TMEM132D: variants seen among roughly 807,000 people sequenced by gnomAD.
TMEM132D encodes transmembrane protein 132D.
Under a neutral mutation model 62.3 loss-of-function variants are expected in TMEM132D, and 21 were observed. The observed-to-expected ratio is 0.34, with a 90% CI of 0.24 to 0.49. The LOEUF (loss-of-function observed/expected upper bound fraction) is 0.49, where lower values mean the gene tolerates loss of function less well. Ranked by LOEUF, TMEM132D falls within the 20% of genes least tolerant of loss-of-function variation. The probability of loss-of-function intolerance (pLI) is 0.99; values close to 1 mark genes in which losing one functional copy is unlikely to be tolerated. For synonymous variants in TMEM132D, 621 were observed against 575.6 expected (o/e 1.08, Z -1.13); for missense variants, 1,346 against 1,402.8 (o/e 0.96, Z 0.65).
At chr12:129,235,686 C>T (rs1442369237) in intron 4 of TMEM132D, among the ~76,000 whole-genome samples, 1 of 152,074 alleles carries the variant, frequency 6.6e-6, no homozygotes, top group Non-Finnish European at 1.5e-5. Flanking sequence ...TCTGTGCAGC[C>T]ATATGTCTTC....
intron 3 of TMEM132D, among the ~76,000 whole-genome samples, chr12:129,504,272 G>A (rs1875262398): frequency 6.6e-6 from 1 of 152,142 alleles, no homozygotes; most frequent in African/African-American, 2.4e-5. Flanking sequence ...ATCGATTTAG[G>A]GAGGATTCCT....
intron 3 of TMEM132D, among the ~76,000 whole-genome samples, chr12:129,425,406 C>CTTT (rs5801854): frequency 0.037 from 5,181 of 138,938 alleles, 267 homozygotes; most frequent in African/African-American, 0.12. Context: ...GATGCTTGCA[C>CTTT]TTTTTTTTTT....
chr12:129,312,864 T>C (rs979306053), intron 4 of TMEM132D, among the ~76,000 whole-genome samples: 3 of 152,240 alleles, frequency 2.0e-5, no homozygotes, highest in Non-Finnish European at 2.9e-5. Flanking sequence ...GCATCAGATG[T>C]TGGCTTAGAC....
chr12:129,335,619 A>T (rs1025108108), intron 4 of TMEM132D, among the ~76,000 whole-genome samples: 3 of 152,172 alleles, frequency 2.0e-5, no homozygotes, highest in Admixed American at 2.0e-4. Flanking sequence ...ATGACCAATG[A>T]AAAATGGAAA....
chr12:129,878,865 G>A (rs1054529182), intron 1 of TMEM132D, among the ~76,000 whole-genome samples: 14 of 152,208 alleles, frequency 9.2e-5, no homozygotes, highest in African/African-American at 2.9e-4. Context: ...CGCTGCACCC[G>A]GCCTACAGAT....
chr12:129,259,628 T>C (rs897162833), intron 4 of TMEM132D, among the ~76,000 whole-genome samples: 1 of 152,088 alleles, frequency 6.6e-6, no homozygotes, highest in African/African-American at 2.4e-5. Context: ...GAGTCAGGGA[T>C]GGAGCTGGGA....
chr12:129,550,257 C>T (rs947777154), intron 2 of TMEM132D, among the ~76,000 whole-genome samples: 4 of 152,020 alleles, frequency 2.6e-5, no homozygotes, highest in African/African-American at 9.7e-5. Context: ...TATTTTTACA[C>T]TAAAAAACCC....
chr12:129,557,602 G>A (rs1336720234), intron 2 of TMEM132D, among the ~76,000 whole-genome samples: 2 of 152,190 alleles, frequency 1.3e-5, no homozygotes, highest in African/African-American at 2.4e-5. Context: ...TGTAGTCCCA[G>A]CTACTTGGGA....
chr12:129,235,293 C>T (rs1057262050), intron 4 of TMEM132D, among the ~76,000 whole-genome samples: 5 of 151,938 alleles, frequency 3.3e-5, no homozygotes, highest in Non-Finnish European at 5.9e-5. Flanking sequence ...AATAAATGTA[C>T]GCAATTGTGC....
At chr12:129,582,371 C>T (rs557789097) in intron 2 of TMEM132D, among the ~76,000 whole-genome samples, 1 of 152,088 alleles carries the variant, frequency 6.6e-6, no homozygotes, top group Middle Eastern at 3.2e-3. Context: ...TGGTACTTAC[C>T]CCCCAGAGAT....
At chr12:129,826,792 G>C (rs73440430) in intron 1 of TMEM132D, among the ~76,000 whole-genome samples, 1 of 152,084 alleles carries the variant, frequency 6.6e-6, no homozygotes, top group African/African-American at 2.4e-5. Flanking sequence ...ATCCATCCGA[G>C]GACTGGGTGA....
intron 4 of TMEM132D, among the ~76,000 whole-genome samples, chr12:129,320,612 CAAAG>C (rs1868667965): frequency 6.6e-6 from 1 of 151,894 alleles, no homozygotes. Flanking sequence ...ATCTAAGAGC[CAAAG>C]AAAGTCATAG....
chr12:129,283,587 T>C (rs796832697), intron 4 of TMEM132D, among the ~76,000 whole-genome samples: 3 of 152,260 alleles, frequency 2.0e-5, no homozygotes, highest in African/African-American at 7.2e-5. Context: ...TTTCCCAAAG[T>C]ATTGAATGAT....
chr12:129,864,477 C>T (rs1873996451), intron 1 of TMEM132D, among the ~76,000 whole-genome samples: 1 of 152,226 alleles, frequency 6.6e-6, no homozygotes. Context: ...ACCCATAAGA[C>T]TCAAGGAGTG....
At position 129,074,565 on chromosome 12, in the gene TMEM132D, G is replaced by C. The variant is rs751535148; in HGVS notation, c.2610C>G (p.Ser870Arg). 1.7e-5 allele frequency: 28 copies of C among 1,613,948 alleles called. No individual in the cohort carries two copies. The East Asian group carries it at 4.9e-4, about 28-fold the overall frequency. The change falls in exon 9 of 9, where the codon AGC becomes AGG. Residue 870 changes from serine (S) to arginine (R), a missense_variant. Physicochemically the swap from Ser to Arg is moderately radical, Grantham distance 110. Coordinates refer to ENST00000422113, the MANE Select transcript of TMEM132D (RefSeq NM_133448.3). ...GCAAGTGGCTGTTGTCATCTAAAAG[G>C]CTTTCCTGGCCTTTCTTCTTCTGCA... ...SILQKKKGQE[S>R]LLDDNSHLQT... is the part of the protein sequence containing the mutation.
intron 4 of TMEM132D, among the ~76,000 whole-genome samples, chr12:129,260,553 G>A (rs528670862): frequency 3.9e-5 from 6 of 152,238 alleles, no homozygotes; most frequent in Non-Finnish European, 8.8e-5. Flanking sequence ...GGGTACAGGT[G>A]GTTTTTGGTT....
intron 5 of TMEM132D, among the ~76,000 whole-genome samples, chr12:129,189,012 T>C (rs186196573): frequency 7.2e-5 from 11 of 152,280 alleles, no homozygotes; most frequent in Middle Eastern, 6.8e-3. Flanking sequence ...ACAGAATTGA[T>C]GCTACTCACC....
At chr12:129,370,623 A>T (rs187808647) in intron 3 of TMEM132D, among the ~76,000 whole-genome samples, 3 of 152,362 alleles carry the variant, frequency 2.0e-5, no homozygotes, top group Admixed American at 2.0e-4. Context: ...GAAAATATGG[A>T]ATCAACCTAA....
chr12:129,482,194 C>T (rs1261508761), intron 3 of TMEM132D, among the ~76,000 whole-genome samples: 4 of 152,182 alleles, frequency 2.6e-5, no homozygotes, highest in Non-Finnish European at 5.9e-5. Context: ...ACGGCCAAGC[C>T]ATCTCCACTG....
Sources: allele counts gnomAD v4.1 joint callset (sites outside exome capture counted in the v4.1 genomes callset), GRCh38; gene constraint gnomAD v4.1.1; transcripts MANE v1.5; gene names NCBI Gene and HGNC (gene_info 2026-07-23, HGNC 2026-07-21).